Variants in GNA12 observed in about 807,000 individuals in gnomAD.
The protein encoded by GNA12 is guanine nucleotide-binding protein subunit alpha-12.
GNA12 carries 9 observed loss-of-function variants against 26.0 expected under a neutral mutation model. The observed-to-expected ratio is 0.35, with a 90% CI of 0.21 to 0.60. The LOEUF (loss-of-function observed/expected upper bound fraction) is 0.60, where lower values mean the gene tolerates loss of function less well. Among genes scored for constraint, GNA12 ranks in the 20% least tolerant of loss-of-function variants. The pLI, the probability that GNA12 is intolerant of heterozygous loss-of-function variation, is 0.78. For synonymous variants in GNA12, 264 were observed against 219.6 expected (o/e 1.20, Z -1.79); for missense variants, 405 against 525.8 (o/e 0.77, Z 2.25).
At chr7:2,776,388 A>G (rs1792076994) in intron 2 of GNA12, among the ~76,000 whole-genome samples, 1 of 152,204 alleles carries the variant, frequency 6.6e-6, no homozygotes, top group African/African-American at 2.4e-5. Context: ...AGACCAGGGG[A>G]CACACTGTAC....
At chr7:2,749,664 TAATAA>T (rs1790932462) in intron 2 of GNA12, among the ~76,000 whole-genome samples, 1 of 151,202 alleles carries the variant, frequency 6.6e-6, no homozygotes, top group African/African-American at 2.4e-5. Flanking sequence ...AGTATAATAA[TAATAA>T]AATAAAAAAA....
chr7:2,755,194 G>C (rs1791236595), intron 2 of GNA12, among the ~76,000 whole-genome samples: 1 of 152,204 alleles, frequency 6.6e-6, no homozygotes, highest in African/African-American at 2.4e-5. Flanking sequence ...TGGAATCAGG[G>C]AGAGTGGCCC....
chr7:2,818,788 C>T (rs1035764074), intron 1 of GNA12, among the ~76,000 whole-genome samples: 8 of 147,592 alleles, frequency 5.4e-5, no homozygotes, highest in Admixed American at 2.7e-4. Context: ...AAAGGACAAA[C>T]GAACAAGGGA....
intron 2 of GNA12, among the ~76,000 whole-genome samples, chr7:2,754,003 GA>G (rs1475836847): frequency 1.3e-5 from 2 of 152,160 alleles, no homozygotes; most frequent in African/African-American, 4.8e-5. Flanking sequence ...AGTGACCAGA[GA>G]ATCTACATCT....
At chr7:2,836,595 A>G (rs1446191284) in intron 1 of GNA12, among the ~76,000 whole-genome samples, 3 of 152,162 alleles carry the variant, frequency 2.0e-5, no homozygotes, top group Non-Finnish European at 4.4e-5. Flanking sequence ...CTCTTACAAC[A>G]GCAGACCTTT....
chr7:2,812,065 T>C (rs1356930226), intron 1 of GNA12, among the ~76,000 whole-genome samples: 3 of 152,178 alleles, frequency 2.0e-5, no homozygotes, highest in African/African-American at 7.2e-5. Context: ...GCGACTCCTC[T>C]CCAAAAACCT....
chr7:2,802,385 A>AT (rs199935556), intron 1 of GNA12, among the ~76,000 whole-genome samples: 1 of 91,004 alleles, frequency 1.1e-5, no homozygotes, highest in Non-Finnish European at 2.0e-5. Flanking sequence ...GGGGATGTAG[A>AT]TTTTTTTTGG....
chr7:2,736,148 C>T (rs1010151451), intron 2 of GNA12, among the ~76,000 whole-genome samples: 2 of 152,154 alleles, frequency 1.3e-5, no homozygotes, highest in Non-Finnish European at 2.9e-5. Flanking sequence ...TCAGTCATTT[C>T]TTTAGAGAAA....
chr7:2,814,546 C>G (rs1324641876), intron 1 of GNA12, among the ~76,000 whole-genome samples: 1 of 151,946 alleles, frequency 6.6e-6, no homozygotes, highest in Non-Finnish European at 1.5e-5. Flanking sequence ...GAAGTCTTTA[C>G]TGGGAAGGCC....
chr7:2,800,248 G>C (rs1452292732), intron 1 of GNA12, among the ~76,000 whole-genome samples: 1 of 152,232 alleles, frequency 6.6e-6, no homozygotes, highest in Non-Finnish European at 1.5e-5. Context: ...CGCACTATGC[G>C]ATTCTGTTTA....
chr7:2,819,324 G>A (rs1793295337), intron 1 of GNA12, among the ~76,000 whole-genome samples: 2 of 152,194 alleles, frequency 1.3e-5, no homozygotes, highest in Non-Finnish European at 2.9e-5. Flanking sequence ...CAGTCCGGCT[G>A]GAACCTTCCT....
intron 2 of GNA12, among the ~76,000 whole-genome samples, chr7:2,738,209 G>A (rs1248196452): frequency 6.6e-6 from 1 of 151,912 alleles, no homozygotes; most frequent in Non-Finnish European, 1.5e-5. Context: ...GAGGTCAGGA[G>A]TTCGAGACAA....
chr7:2,814,120 C>T (rs1212454759), intron 1 of GNA12, among the ~76,000 whole-genome samples: 10 of 152,142 alleles, frequency 6.6e-5, no homozygotes, highest in African/African-American at 9.7e-5. Flanking sequence ...AATCACGCCT[C>T]GGGCTTCCCT....
intron 2 of GNA12, among the ~76,000 whole-genome samples, chr7:2,757,848 C>G (rs375779824): frequency 1.1e-4 from 16 of 152,260 alleles, no homozygotes; most frequent in African/African-American, 3.6e-4. Flanking sequence ...TTTTTTCAAA[C>G]CTGACTTTTT....
chr7:2,759,089 G>A (rs1318046070), intron 2 of GNA12, among the ~76,000 whole-genome samples: 3 of 151,184 alleles, frequency 2.0e-5, no homozygotes, highest in East Asian at 3.9e-4. Flanking sequence ...GCAATGAGCC[G>A]AGATTACACC....
chr7:2,752,275 TAGAA>T (rs961748382), intron 2 of GNA12, among the ~76,000 whole-genome samples: 13 of 152,112 alleles, frequency 8.5e-5, no homozygotes, highest in African/African-American at 1.7e-4. Flanking sequence ...ACCAGACTAA[TAGAA>T]AGAAACTTCC....
intron 2 of GNA12, among the ~76,000 whole-genome samples, chr7:2,758,948 C>T (rs1791427772): frequency 6.6e-6 from 1 of 151,938 alleles, no homozygotes; most frequent in South Asian, 2.1e-4. Context: ...CGAGACCAGC[C>T]TCCTGATATG....
rs561904733 is a variant in GNA12, at chr7:2,833,130, C to A, written c.309+10723G>T. Among the ~76,000 whole-genome samples, 24 of 152,192 alleles carry A rather than the reference C, an allele frequency of 1.6e-4. No homozygotes were observed. In the South Asian group the frequency reaches 1.7e-3, roughly 10 times the overall value. ...CGGTGGTCCTGAGCAGCTGCTCTGTCCAGCCCACTTGAAGCCTCCATTTCT... is the reference window on the plus strand; with the variant it reads ...CGGTGGTCCTGAGCAGCTGCTCTGTACAGCCCACTTGAAGCCTCCATTTCT... On this transcript the variant is annotated intron_variant, in intron 1 of 3. Transcript: ENST00000275364.
intron 2 of GNA12, among the ~76,000 whole-genome samples, chr7:2,768,682 CA>C (rs199608558): frequency 0.19 from 18,984 of 97,630 alleles, 1,394 homozygotes; most frequent in Middle Eastern, 0.27. Flanking sequence ...AAAAACAAAA[CA>C]AAACAAAAAA....
Sources: gnomAD v4.1 joint callset for allele counts (sites outside exome capture counted in the v4.1 genomes callset) on GRCh38, gnomAD v4.1.1 for gene constraint, MANE v1.5 for transcripts, NCBI Gene and HGNC (gene_info 2026-07-23, HGNC 2026-07-21) for gene names.